Variants in CTNND2 observed in about 807,000 individuals in gnomAD.
CTNND2 encodes the protein catenin delta-2.
CTNND2 carries 22 observed loss-of-function variants against 144.4 expected under a neutral mutation model. The ratio of observed to expected loss-of-function variants is 0.15; its 90% CI spans 0.11 to 0.22. The LOEUF (loss-of-function observed/expected upper bound fraction) is 0.22, where lower values mean the gene tolerates loss of function less well. Ranked by LOEUF, CTNND2 falls within the 10% of genes least tolerant of loss-of-function variation. CTNND2 has a pLI of 1.00. For missense variants in CTNND2, 1,353 were observed against 1,618.8 expected (o/e 0.84, Z 2.82); for synonymous variants, 751 against 695.6 (o/e 1.08, Z -1.25).
chr5:11,207,505 T>G (rs1433452457), intron 10 of CTNND2, among the ~76,000 whole-genome samples: 1 of 152,164 alleles, frequency 6.6e-6, no homozygotes, highest in African/African-American at 2.4e-5. Context: ...TGGACATTGT[T>G]TAAAATATTT....
chr5:11,368,854 T>C (rs1561288091), intron 7 of CTNND2, among the ~76,000 whole-genome samples: 1 of 152,134 alleles, frequency 6.6e-6, no homozygotes. Context: ...GATAATAATA[T>C]AAATGGTATT....
intron 1 of CTNND2, among the ~76,000 whole-genome samples, chr5:11,817,669 T>A (rs1375918474): frequency 6.6e-6 from 1 of 152,174 alleles, no homozygotes; most frequent in African/African-American, 2.4e-5. Flanking sequence ...AAAATCAGAC[T>A]GTTTTTATAT....
chr5:11,210,854 A>T (rs1359536827), intron 10 of CTNND2, among the ~76,000 whole-genome samples: 1 of 152,174 alleles, frequency 6.6e-6, no homozygotes, highest in Non-Finnish European at 1.5e-5. Context: ...GCTGGGGCTT[A>T]GAGGAGGTGA....
intron 1 of CTNND2, among the ~76,000 whole-genome samples, chr5:11,845,388 C>T (rs370211414): frequency 6.6e-6 from 1 of 152,156 alleles, no homozygotes; most frequent in South Asian, 2.1e-4. Context: ...CCCCCAGTAC[C>T]TCAGAATATG....
rs1298560887 is a variant in CTNND2 at position 10,988,062 on chromosome 5, G to A, written c.3343+49C>T. On this transcript the variant is annotated intron_variant, in intron 20 of 21. Coordinates refer to ENST00000304623, the MANE Select transcript of CTNND2 (RefSeq NM_001332.4). The surrounding 1 kb of genome is among the most constrained non-coding windows in gnomAD (Gnocchi z 5.9). Reference sequence around the variant, plus strand: ...TGATGTCCCATATCTCTGCCTTGTCGCGGGTCAAGCCACCAAGTTCCAGGA... The same window carrying A: ...TGATGTCCCATATCTCTGCCTTGTCACGGGTCAAGCCACCAAGTTCCAGGA... The A allele has an allele frequency of 5.6e-6, 9 of 1,610,926 alleles. No individual in the cohort carries two copies. The African/African-American group carries it at 6.7e-5, about 12-fold the overall frequency.
At chr5:11,821,639 T>C (rs1204953656) in intron 1 of CTNND2, among the ~76,000 whole-genome samples, 1 of 152,172 alleles carries the variant, frequency 6.6e-6, no homozygotes, top group Non-Finnish European at 1.5e-5. Flanking sequence ...CAGTCTTCTT[T>C]ATAGGAAAAC....
intron 2 of CTNND2, among the ~76,000 whole-genome samples, chr5:11,610,046 A>G (rs1163581615): frequency 1.3e-5 from 2 of 152,228 alleles, no homozygotes; most frequent in African/African-American, 4.8e-5. Context: ...TATGACAACA[A>G]TATAAGTGCC....
chr5:11,614,267 C>T (rs1490108737), intron 2 of CTNND2, among the ~76,000 whole-genome samples: 1 of 152,082 alleles, frequency 6.6e-6, no homozygotes, highest in Non-Finnish European at 1.5e-5. Flanking sequence ...CTTTAATTTA[C>T]AAAGTTACAT....
intron 9 of CTNND2, among the ~76,000 whole-genome samples, chr5:11,323,644 T>C (rs1201753675): frequency 6.6e-6 from 1 of 152,214 alleles, no homozygotes; most frequent in East Asian, 1.9e-4. Context: ...AGTTCTCTTT[T>C]AGACATGTTG....
At chr5:11,307,255 T>C (rs952762590) in intron 9 of CTNND2, among the ~76,000 whole-genome samples, 1 of 151,888 alleles carries the variant, frequency 6.6e-6, no homozygotes, top group African/African-American at 2.4e-5. Context: ...CAAGTGAGGG[T>C]AGATCAGGCT....
intron 10 of CTNND2, among the ~76,000 whole-genome samples, chr5:11,204,556 G>A (rs1037477118): frequency 8.6e-5 from 13 of 151,996 alleles, no homozygotes; most frequent in African/African-American, 3.1e-4. Flanking sequence ...AGCACCTATT[G>A]CAAAAATAGG....
At chr5:11,233,811 T>C (rs538341358) in intron 10 of CTNND2, among the ~76,000 whole-genome samples, 1 of 152,228 alleles carries the variant, frequency 6.6e-6, no homozygotes, top group Non-Finnish European at 1.5e-5. Flanking sequence ...AGGGAAACTC[T>C]GGAAGCTTCC....
chr5:11,478,515 T>C (rs1043670606), intron 3 of CTNND2, among the ~76,000 whole-genome samples: 1 of 152,232 alleles, frequency 6.6e-6, no homozygotes, highest in Admixed American at 6.5e-5. Context: ...TCAAAGCACT[T>C]TGTCAAAACA....
intron 12 of CTNND2, among the ~76,000 whole-genome samples, chr5:11,121,230 C>A (rs548073759): frequency 8.5e-5 from 13 of 152,186 alleles, no homozygotes; most frequent in Non-Finnish European, 1.5e-4. Context: ...TGATAACCTT[C>A]CGCGATGCTC....
At chr5:11,896,421 A>G (rs960613076) in intron 1 of CTNND2, among the ~76,000 whole-genome samples, 2 of 152,172 alleles carry the variant, frequency 1.3e-5, no homozygotes, top group African/African-American at 4.8e-5. Flanking sequence ...ATTTTCAATG[A>G]GCATGCACTA....
chr5:11,577,214 A>C (rs759346890), intron 2 of CTNND2, among the ~76,000 whole-genome samples: 6 of 152,360 alleles, frequency 3.9e-5, no homozygotes, highest in Admixed American at 6.5e-5. Flanking sequence ...CATTTATGGA[A>C]TAAATAAGTA....
At chr5:11,606,821 C>T (rs895411848) in intron 2 of CTNND2, among the ~76,000 whole-genome samples, 1 of 152,158 alleles carries the variant, frequency 6.6e-6, no homozygotes, top group African/African-American at 2.4e-5. Context: ...AAATCAGGAA[C>T]ATTAAGAAGC....
intron 13 of CTNND2, among the ~76,000 whole-genome samples, chr5:11,113,242 T>C (rs1334579784): frequency 6.6e-6 from 1 of 152,212 alleles, no homozygotes; most frequent in Non-Finnish European, 1.5e-5. Flanking sequence ...GAATAGTGTC[T>C]GCTCAAAACT....
At chr5:11,278,561 G>A (rs961941691) in intron 9 of CTNND2, among the ~76,000 whole-genome samples, 38 of 152,198 alleles carry the variant, frequency 2.5e-4, no homozygotes, top group African/African-American at 9.2e-4. Flanking sequence ...AAAGACCTCA[G>A]TGAGGATGTG....
Sources: gnomAD v4.1 joint callset for allele counts (sites outside exome capture counted in the v4.1 genomes callset) on GRCh38, gnomAD v4.1.1 for gene constraint, Gnocchi (gnomAD v3.1) non-coding constraint, MANE v1.5 for transcripts, NCBI Gene and HGNC (gene_info 2026-07-23, HGNC 2026-07-21) for gene names.